TXNDC16: variants seen among roughly 807,000 people sequenced by gnomAD.
TXNDC16 encodes the protein thioredoxin domain containing 16.
Under a neutral mutation model 85.6 loss-of-function variants are expected in TXNDC16, and 74 were observed. That is an observed-to-expected ratio of 0.86 (90% confidence interval 0.72 to 1.05). The LOEUF is 1.05. Among genes scored for constraint, TXNDC16 ranks in the 50% least tolerant of loss-of-function variants. TXNDC16 has a pLI of 0.00. For synonymous variants in TXNDC16, 335 were observed against 326.5 expected, an observed-to-expected ratio of 1.03 and a Z score of -0.28; for missense variants, 959 against 947.0, an observed-to-expected ratio of 1.01 and a Z score of -0.17.
rs538431964 is a variant in TXNDC16 at position 52,476,944 on chromosome 14, A to G, written c.1312+5286T>C. ...GAGGCAAAAACACCAGGTAACATATAAAGGAAAACCTATCAGACTAACAGC... is the reference window on the plus strand; with the variant it reads ...GAGGCAAAAACACCAGGTAACATATGAAGGAAAACCTATCAGACTAACAGC... On this transcript the variant is annotated intron_variant, in intron 14 of 20. Coordinates refer to ENST00000281741, the MANE Select transcript of TXNDC16 (RefSeq NM_020784.3). 6.1e-4 allele frequency among the ~76,000 whole-genome samples: 93 copies of G among 152,312 alleles called. 1 individual carries two copies. The highest frequency in any genetic ancestry group is 9.7e-4 in the Non-Finnish European group (66 of 68,002).
chr14:52,502,766 C>T (rs577939076), intron 9 of TXNDC16, among the ~76,000 whole-genome samples: 2 of 152,304 alleles, frequency 1.3e-5, no homozygotes, highest in African/African-American at 2.4e-5. Context: ...TGACCCGAAG[C>T]AGGGTGACGC....
chr14:52,530,337 A>G (rs1245916196), intron 6 of TXNDC16, among the ~76,000 whole-genome samples: 1 of 51,654 alleles, frequency 1.9e-5, no homozygotes, highest in Non-Finnish European at 3.1e-5. Context: ...TATATTATAT[A>G]TAATTATATA....
intron 9 of TXNDC16, among the ~76,000 whole-genome samples, chr14:52,499,983 T>A (rs1396193351): frequency 2.0e-5 from 3 of 152,200 alleles, no homozygotes; most frequent in Admixed American, 6.5e-5. Context: ...TATTGGGTTT[T>A]AATTATTTTT....
chr14:52,451,662 C>A (rs1350209732), intron 18 of TXNDC16, among the ~76,000 whole-genome samples: 1 of 151,974 alleles, frequency 6.6e-6, no homozygotes, highest in Non-Finnish European at 1.5e-5. Context: ...ATTAAAAAAA[C>A]CCTCAAAAAA....
intron 1 of TXNDC16, among the ~76,000 whole-genome samples, chr14:52,544,807 A>T (rs17725003): frequency 0.086 from 13,120 of 152,082 alleles, 625 homozygotes; most frequent in East Asian, 0.14. Context: ...AATTTTTAAT[A>T]ATGAGTCAAG....
At chr14:52,456,649 G>A (rs1048224466) in intron 17 of TXNDC16, among the ~76,000 whole-genome samples, 1 of 152,136 alleles carries the variant, frequency 6.6e-6, no homozygotes, top group African/African-American at 2.4e-5. Context: ...TATTTTGGTA[G>A]TCCATAGAAG....
intron 14 of TXNDC16, among the ~76,000 whole-genome samples, chr14:52,474,109 A>G (rs12717423): frequency 0.26 from 39,468 of 152,146 alleles, 5,240 homozygotes; most frequent in East Asian, 0.38. Flanking sequence ...CTACTTTTTT[A>G]TTCTACAAAC....
At chr14:52,477,582 C>T (rs1472914794) in intron 14 of TXNDC16, among the ~76,000 whole-genome samples, 2 of 151,868 alleles carry the variant, frequency 1.3e-5, no homozygotes, top group African/African-American at 2.4e-5. Context: ...AGACAAAGGG[C>T]GTCATTATAT....
Position 52,499,313 on chromosome 14 carries a change from A to C in TXNDC16, c.757-8308T>G, listed in dbSNP as rs1271252001. ...AAGCACAAACAACAAAAGCAAAAAT[A>C]GACAAACTAAAACTTCTAATAGAGT... On this transcript the variant is annotated intron_variant, in intron 9 of 20. Coordinates refer to ENST00000281741, the MANE Select transcript of TXNDC16 (RefSeq NM_020784.3). 2.0e-5 allele frequency among the ~76,000 whole-genome samples: 3 copies of C among 152,158 alleles called. No individual in the cohort carries two copies. In the South Asian group the frequency reaches 6.2e-4, roughly 31 times the overall value.
At position 52,491,013 on chromosome 14, in the gene TXNDC16, G is replaced by GAAAAAAAAAAAAAAAAAAAAAAAAAAAAA. The variant is rs369712294; in HGVS notation, c.757-9_757-8insTTTTTTTTTTTTTTTTTTTTTTTTTTTTT. 1.0e-6 allele frequency: 1 copy of GAAAAAAAAAAAAAAAAAAAAAAAAAAAAA among 968,248 alleles called. No individual in the cohort carries two copies. The highest frequency in any genetic ancestry group is 1.3e-6 in the Non-Finnish European group (1 of 744,390). The allele number at this position is 968,248 out of a possible 1,614,324, so 60.0% of individuals were successfully genotyped here. ...ATCTTCAGCAACTTCAGTCTTCATTGAAAAAAAAAAAAAAAAAAGGTGTGA... is the reference window on the plus strand; with the variant it reads ...ATCTTCAGCAACTTCAGTCTTCATTGAAAAAAAAAAAAAAAAAAAAAAAAAAAAAAAAAAAAAAAAAAAAAAAGGTGTGA... On this transcript the variant is annotated splice_polypyrimidine_tract_variant and intron_variant, in intron 9 of 20. Transcript: ENST00000281741.
intron 8 of TXNDC16, 98 bp from the exon 9 acceptor site, chr14:52,511,488 T>C: frequency 1.4e-6 from 1 of 699,848 alleles, no homozygotes; most frequent in Non-Finnish European, 2.1e-6. Context: ...AGTCTCATGC[T>C]TTTGAATTAT....
intron 1 of TXNDC16, among the ~76,000 whole-genome samples, chr14:52,545,991 A>G (rs753462479): frequency 2.0e-5 from 3 of 152,138 alleles, no homozygotes; most frequent in African/African-American, 7.2e-5. Context: ...AAAGGGAATG[A>G]AAAACAATAC....
intron 5 of TXNDC16, among the ~76,000 whole-genome samples, chr14:52,537,310 C>T (rs2037726711): frequency 6.6e-6 from 1 of 152,118 alleles, no homozygotes; most frequent in Admixed American, 6.6e-5. Flanking sequence ...GACATATCTA[C>T]CCAGAACATT....
intron 9 of TXNDC16, among the ~76,000 whole-genome samples, chr14:52,502,094 T>G (rs563451156): frequency 3.2e-4 from 49 of 152,318 alleles, no homozygotes; most frequent in African/African-American, 1.2e-3. Flanking sequence ...CATCAAGGTT[T>G]GAATTCTCAG....
intron 6 of TXNDC16, among the ~76,000 whole-genome samples, chr14:52,534,887 A>C (rs1316512192): frequency 6.6e-6 from 1 of 152,210 alleles, no homozygotes; most frequent in Non-Finnish European, 1.5e-5. Flanking sequence ...CGTGTTCTAT[A>C]AATCAGCATT....
At chr14:52,538,030 A>G (rs1416644269) in intron 4 of TXNDC16, among the ~76,000 whole-genome samples, 1 of 152,228 alleles carries the variant, frequency 6.6e-6, no homozygotes, top group East Asian at 1.9e-4. Context: ...GATAGCAGAT[A>G]CTGCTGGTTT....
At chr14:52,505,378 A>C (rs1377729916) in intron 9 of TXNDC16, among the ~76,000 whole-genome samples, 3 of 152,244 alleles carry the variant, frequency 2.0e-5, no homozygotes, top group Non-Finnish European at 1.5e-5. Flanking sequence ...CTCAGACCAC[A>C]GTGCAATCAA....
In TXNDC16 at chr14:52,488,836, A is replaced by AAAAAAAAC. The variant is rs770067492; in HGVS notation, c.985-351_985-350insGTTTTTTT. 6.9e-5 allele frequency among the ~76,000 whole-genome samples: 7 copies of AAAAAAAAC among 101,816 alleles called. 1 individual carries two copies. Among genetic ancestry groups the AAAAAAAAC allele is most frequent in the East Asian group, 4.1e-4 (1 of 2,418 alleles). 66.8% of individuals were successfully genotyped at this position (101,816 alleles called of 152,430 possible). A position where few individuals can be genotyped will look rare whatever the true frequency, so the allele number is the denominator to read the frequency against. On this transcript the variant is annotated intron_variant, in intron 11 of 20. Coordinates refer to ENST00000281741, the MANE Select transcript of TXNDC16 (RefSeq NM_020784.3). Reference sequence around the variant, plus strand: ...GCGACAAGGCGAGACTCTGGGAAAAAAAAAAAAAAAAAACAAGTTTTACTT... The same window carrying AAAAAAAAC: ...GCGACAAGGCGAGACTCTGGGAAAAAAAAAAAACAAAAAAAAAAAAACAAGTTTTACTT...
In TXNDC16 at chr14:52,490,958, T is replaced by C. The variant is rs747925801; in HGVS notation, c.804A>G (p.Gln268=). 3.1e-6 allele frequency: 5 copies of C among 1,611,488 alleles called. No individual in the cohort carries two copies. The highest frequency in any genetic ancestry group is 4.2e-6 in the Non-Finnish European group (5 of 1,179,300). ...DPQQVSTVHL[Q]LGLPLVFIVS... is the part of the protein sequence containing the mutation. ...CAATAAAAACCAGTGGTAAGCCCAG[T>C]TGGAGATGGACAGTTGAAACTTGTT... The change falls in exon 10 of 21, where the codon CAA becomes CAG. Residue 268 remains glutamine, a synonymous_variant. Coordinates refer to ENST00000281741, the MANE Select transcript of TXNDC16 (RefSeq NM_020784.3).
Sources: allele counts gnomAD v4.1 joint callset (sites outside exome capture counted in the v4.1 genomes callset), GRCh38; gene constraint gnomAD v4.1.1; transcripts MANE v1.5; gene names NCBI Gene and HGNC (gene_info 2026-07-23, HGNC 2026-07-21).